The following ATRNL1 variants were observed in gnomAD, a reference collection of about 807,000 sequenced individuals.
ATRNL1 encodes the protein attractin-like protein 1.
Under a neutral mutation model 182.7 loss-of-function variants are expected in ATRNL1, and 95 were observed. The observed-to-expected ratio is 0.52, with a 90% confidence interval of 0.44 to 0.62. ATRNL1 has a LOEUF of 0.62. Ranked by LOEUF, ATRNL1 falls within the 20% of genes least tolerant of loss-of-function variation. The pLI, the probability that ATRNL1 is intolerant of heterozygous loss-of-function variation, is 0.00. For missense variants in ATRNL1, 1,471 were observed against 1,679.5 expected, an observed-to-expected ratio of 0.88 and a Z score of 2.17; for synonymous variants, 576 against 568.3, an observed-to-expected ratio of 1.01 and a Z score of -0.19.
At chr10:115,519,711 T>C (rs1850820324) in intron 25 of ATRNL1, among the ~76,000 whole-genome samples, 1 of 152,180 alleles carries the variant, frequency 6.6e-6, no homozygotes, top group Admixed American at 6.6e-5. Context: ...GTGTGACATA[T>C]TCGTTGTAGG....
intron 20 of ATRNL1, among the ~76,000 whole-genome samples, chr10:115,403,751 C>A (rs1412501508): frequency 3.3e-5 from 5 of 152,208 alleles, no homozygotes; most frequent in Non-Finnish European, 7.3e-5. Context: ...TGCACCCAGC[C>A]TCCAACACTA....
intron 24 of ATRNL1, among the ~76,000 whole-genome samples, chr10:115,503,019 ATCTTTT>A: frequency 6.6e-6 from 1 of 152,188 alleles, no homozygotes. Context: ...TTTGACTGGC[ATCTTTT>A]ACCGGGCCTG....
At chr10:115,481,626 A>G (rs1199592355) in intron 24 of ATRNL1, among the ~76,000 whole-genome samples, 1 of 150,784 alleles carries the variant, frequency 6.6e-6, no homozygotes, top group Non-Finnish European at 1.5e-5. Flanking sequence ...ACACTTCTTT[A>G]TTTTACTATC....
At chr10:115,896,287 T>A (rs1188707568) in intron 28 of ATRNL1, among the ~76,000 whole-genome samples, 1 of 152,206 alleles carries the variant, frequency 6.6e-6, no homozygotes, top group Non-Finnish European at 1.5e-5. Flanking sequence ...AATTGACCAA[T>A]AACCACAAAA....
rs199618302 is a variant in ATRNL1, at chr10:115,749,488, C to T, written c.3903+22133C>T. Among the ~76,000 whole-genome samples, 58 of 151,748 alleles carry T rather than the reference C, an allele frequency of 3.8e-4. No homozygotes were observed. In the East Asian group the frequency reaches 7.2e-3, roughly 19 times the overall value. On this transcript the variant is annotated intron_variant, in intron 27 of 28. Transcript: ENST00000355044. Reference sequence around the variant, plus strand: ...TAAAAAAATAAGTGAAGTAGAAAAACGGGTAAAAGACGTGTACAGTAAAGA... The same window carrying T: ...TAAAAAAATAAGTGAAGTAGAAAAATGGGTAAAAGACGTGTACAGTAAAGA...
At chr10:115,119,950 A>G (rs1844654996) in intron 1 of ATRNL1, among the ~76,000 whole-genome samples, 1 of 152,090 alleles carries the variant, frequency 6.6e-6, no homozygotes, top group Non-Finnish European at 1.5e-5. Flanking sequence ...TTCGCTTCGT[A>G]AATTGAAATG....
At chr10:115,789,770 G>T (rs1373033107) in intron 27 of ATRNL1, among the ~76,000 whole-genome samples, 2 of 152,080 alleles carry the variant, frequency 1.3e-5, no homozygotes, top group East Asian at 3.9e-4. Context: ...AAAATGTCTA[G>T]AACTATGGGA....
At chr10:115,808,349 A>G (rs1467727112) in intron 27 of ATRNL1, among the ~76,000 whole-genome samples, 1 of 152,180 alleles carries the variant, frequency 6.6e-6, no homozygotes, top group East Asian at 1.9e-4. Flanking sequence ...TTTTTATTGT[A>G]AGAAAGTAGA....
intron 24 of ATRNL1, among the ~76,000 whole-genome samples, chr10:115,470,909 T>G (rs189543685): frequency 6.6e-6 from 1 of 150,780 alleles, no homozygotes; most frequent in Non-Finnish European, 1.5e-5. Context: ...TAGAATAAAC[T>G]TTAAATTATA....
At chr10:115,314,335 CAG>C (rs1854185670) in intron 17 of ATRNL1, among the ~76,000 whole-genome samples, 1 of 152,088 alleles carries the variant, frequency 6.6e-6, no homozygotes, top group South Asian at 2.1e-4. Flanking sequence ...ATTATCTGTG[CAG>C]AGTCAACGAT....
At chr10:115,635,377 A>G (rs147017519) in intron 26 of ATRNL1, among the ~76,000 whole-genome samples, 2 of 152,236 alleles carry the variant, frequency 1.3e-5, no homozygotes, top group Middle Eastern at 3.4e-3. Context: ...CCCAATAGGC[A>G]TATGTAAAGG....
intron 21 of ATRNL1, among the ~76,000 whole-genome samples, chr10:115,427,660 C>T (rs1322376488): frequency 5.9e-5 from 9 of 152,036 alleles, no homozygotes; most frequent in African/African-American, 1.9e-4. Flanking sequence ...TTTAAATGTT[C>T]AAGCACACTT....
rs138979213 is a variant in ATRNL1, at chr10:115,504,766, T to C, written c.3655-14497T>C. Reference sequence around the variant, plus strand: ...ATTTGACTAGCCTTTTCTTTTTTCATGATAAAGTATTTGATTTAAGCACTT... The same window carrying C: ...ATTTGACTAGCCTTTTCTTTTTTCACGATAAAGTATTTGATTTAAGCACTT... On this transcript the variant is annotated intron_variant, in intron 24 of 28. Coordinates refer to ENST00000355044, the MANE Select transcript of ATRNL1 (RefSeq NM_207303.4). 8.2e-3 allele frequency among the ~76,000 whole-genome samples: 1,248 copies of C among 152,208 alleles called. 16 individuals are homozygous for C. The highest frequency in any genetic ancestry group is 0.029 in the African/African-American group (1,188 of 41,568).
chr10:115,112,607 G>A (rs571390830), intron 1 of ATRNL1, among the ~76,000 whole-genome samples: 10 of 152,250 alleles, frequency 6.6e-5, no homozygotes, highest in Non-Finnish European at 1.5e-4. Flanking sequence ...AAGCTTGGGT[G>A]GAAGAAGGTG....
At chr10:115,589,940 C>G (rs1021526768) in intron 26 of ATRNL1, among the ~76,000 whole-genome samples, 1 of 152,130 alleles carries the variant, frequency 6.6e-6, no homozygotes, top group Non-Finnish European at 1.5e-5. Flanking sequence ...CTGTGTAAAA[C>G]CGAATTCTAT....
At chr10:115,743,736 G>T (rs900160694) in intron 27 of ATRNL1, among the ~76,000 whole-genome samples, 5 of 151,838 alleles carry the variant, frequency 3.3e-5, no homozygotes, top group Admixed American at 3.3e-4. Flanking sequence ...GCTCAATTAT[G>T]CAACTTTCTT....
chr10:115,714,196 AT>A (rs1263087834), intron 26 of ATRNL1, among the ~76,000 whole-genome samples: 1 of 152,202 alleles, frequency 6.6e-6, no homozygotes, highest in East Asian at 1.9e-4. Flanking sequence ...AATAAACAGC[AT>A]CAGTTATAAA....
intron 1 of ATRNL1, among the ~76,000 whole-genome samples, chr10:115,097,008 A>G (rs2085027446): frequency 1.3e-5 from 2 of 152,108 alleles, no homozygotes; most frequent in Non-Finnish European, 2.9e-5. Flanking sequence ...ATTCTGCTAT[A>G]ATCTATTTGA....
chr10:115,165,784 C>T (rs1272567525), intron 7 of ATRNL1, 139 bp downstream of exon 7: 9 of 411,718 alleles, frequency 2.2e-5, no homozygotes, highest in Non-Finnish European at 3.4e-5. Flanking sequence ...ACTTGAGATA[C>T]CACATACTCT....
Sources: allele counts gnomAD v4.1 joint callset (sites outside exome capture counted in the v4.1 genomes callset), GRCh38; gene constraint gnomAD v4.1.1; transcripts MANE v1.5; gene names NCBI Gene and HGNC (gene_info 2026-07-23, HGNC 2026-07-21).